Variants in RBFOX1 observed in about 807,000 individuals in gnomAD.
The protein encoded by RBFOX1 is RNA binding fox-1 homolog 1, also known as RNA binding protein fox-1 homolog 1.
RBFOX1 carries 8 observed loss-of-function variants against 57.7 expected under a neutral mutation model. The observed-to-expected ratio is 0.14, with a 90% CI of 0.08 to 0.25. RBFOX1 has a LOEUF of 0.25. Among genes scored for constraint, RBFOX1 ranks in the 10% least tolerant of loss-of-function variants. The pLI is 1.00. For synonymous variants in RBFOX1, 326 were observed against 222.4 expected (o/e 1.47, Z -4.15); for missense variants, 611 against 548.5 (o/e 1.11, Z -1.14).
At chr16:5,884,442 GCCC>G (rs2057844525) in intron 4 of RBFOX1, among the ~76,000 whole-genome samples, 1 of 146,380 alleles carries the variant, frequency 6.8e-6, no homozygotes, top group African/African-American at 2.5e-5. Flanking sequence ...CTGTTCCACC[GCCC>G]CGCCCCCCGC....
intron 3 of RBFOX1, among the ~76,000 whole-genome samples, chr16:6,736,094 A>G (rs1219808962): frequency 1.3e-5 from 2 of 151,518 alleles, no homozygotes; most frequent in African/African-American, 4.9e-5. Context: ...TGTTCAAATT[A>G]TTTTAGCCAT....
In RBFOX1 at chr16:6,192,671, T is replaced by A. The variant is rs530777444; in HGVS notation, c.-126-124324T>A. Among the ~76,000 whole-genome samples the A allele has an allele frequency of 4.6e-5, 7 of 152,330 alleles. No individual in the cohort carries two copies. The South Asian group carries it at 1.5e-3, about 32-fold the overall frequency. Reference sequence around the variant, plus strand: ...TGAGTCTACCATGTAACTCTCAATATGTGCTCTAGACGCTCTGTGTCTGTT... The same window carrying A: ...TGAGTCTACCATGTAACTCTCAATAAGTGCTCTAGACGCTCTGTGTCTGTT... On this transcript the variant is annotated intron_variant, in intron 1 of 15. Coordinates refer to ENST00000550418, the MANE Select transcript of RBFOX1 (RefSeq NM_018723.4).
intron 1 of RBFOX1, among the ~76,000 whole-genome samples, chr16:6,256,165 A>G (rs7188402): frequency 1.1e-4 from 1 of 9,484 alleles, no homozygotes; most frequent in Non-Finnish European, 2.7e-4. Context: ...ATATGTATAT[A>G]TATATGTATA....
intron 3 of RBFOX1, among the ~76,000 whole-genome samples, chr16:6,783,424 A>C (rs1209505053): frequency 7.4e-6 from 1 of 135,206 alleles, no homozygotes; most frequent in African/African-American, 2.7e-5. Context: ...TTTGCTTTGT[A>C]GTTACCATGA....
chr16:6,418,728 A>G lies in RBFOX1; in HGVS notation c.-64+101671A>G, dbSNP rs76054858. Among the ~76,000 whole-genome samples the G allele has an allele frequency of 0.016, 2,505 of 151,984 alleles. 167 individuals are homozygous for G. The East Asian group carries it at 0.22, about 14-fold the overall frequency. ...ATTTTTATAGAGATGGGATCACACTATATTGCCCAGGCTGGTCTTGAACTC... is the reference window on the plus strand; with the variant it reads ...ATTTTTATAGAGATGGGATCACACTGTATTGCCCAGGCTGGTCTTGAACTC... On this transcript the variant is annotated intron_variant, in intron 2 of 15. Transcript: ENST00000550418.
At chr16:6,812,543 T>G (rs1222199317) in intron 3 of RBFOX1, among the ~76,000 whole-genome samples, 2 of 151,936 alleles carry the variant, frequency 1.3e-5, no homozygotes, top group Admixed American at 6.6e-5. Flanking sequence ...CCAGCTAATT[T>G]TTTTTGTATT....
At chr16:6,761,699 G>T (rs545972979) in intron 3 of RBFOX1, among the ~76,000 whole-genome samples, 3 of 151,378 alleles carry the variant, frequency 2.0e-5, no homozygotes, top group Non-Finnish European at 2.9e-5. Context: ...TAGAGACGAG[G>T]TTTCACGAAC....
chr16:7,505,217 G>A (rs556560611), intron 4 of RBFOX1, among the ~76,000 whole-genome samples: 1 of 146,402 alleles, frequency 6.8e-6, no homozygotes, highest in South Asian at 2.1e-4. Context: ...CACTCTTTGA[G>A]ATGATTGAGG....
At chr16:5,664,459 A>G (rs939423486) in intron 3 of RBFOX1, among the ~76,000 whole-genome samples, 2 of 152,068 alleles carry the variant, frequency 1.3e-5, no homozygotes, top group Admixed American at 6.5e-5. Flanking sequence ...GAGGCAGACA[A>G]TCAATTGAAC....
Position 5,592,583 on chromosome 16 carries a change from AT to A in RBFOX1, c.259-6314del, listed in dbSNP as rs768107227. Among the ~76,000 whole-genome samples the A allele has an allele frequency of 4.8e-3, 729 of 152,140 alleles. 5 individuals are homozygous for A. The highest frequency in any genetic ancestry group is 0.01 in the Middle Eastern group (3 of 294). ...AGACTCCCACCACCATGCCTGGCTAATTTTTGTATTTTAGTAGAGATGGGGT... is the reference window on the plus strand; with the variant it reads ...AGACTCCCACCACCATGCCTGGCTAATTTTGTATTTTAGTAGAGATGGGGT... On this transcript the variant is annotated intron_variant, in intron 2 of 2. Coordinates refer to the RBFOX1 transcript ENST00000585867.
intron 3 of RBFOX1, among the ~76,000 whole-genome samples, chr16:5,819,149 G>A (rs193137374): frequency 2.0e-5 from 3 of 152,276 alleles, no homozygotes; most frequent in South Asian, 2.1e-4. Context: ...TATAGGTCAC[G>A]GTTCTGGAGG....
intron 4 of RBFOX1, among the ~76,000 whole-genome samples, chr16:7,220,780 C>T (rs958505188): frequency 2.6e-5 from 4 of 152,070 alleles, no homozygotes; most frequent in African/African-American, 4.8e-5. Context: ...CAGGGCTGGC[C>T]GTACAATCAG....
intron 4 of RBFOX1, among the ~76,000 whole-genome samples, chr16:7,289,370 G>A (rs2095714175): frequency 6.6e-6 from 1 of 151,788 alleles, no homozygotes; most frequent in Non-Finnish European, 1.5e-5. Flanking sequence ...ACAATCAACA[G>A]TAGCCAGATT....
intron 3 of RBFOX1, among the ~76,000 whole-genome samples, chr16:6,960,804 G>T (rs1188521294): frequency 6.6e-6 from 1 of 151,848 alleles, no homozygotes; most frequent in East Asian, 1.9e-4. Flanking sequence ...GATTGGCCCA[G>T]GGTTGGGTAC....
chr16:5,601,663 G>A (rs1390574324), downstream of RBFOX1: 1 of 152,218 alleles, frequency 6.6e-6, no homozygotes, highest in Non-Finnish European at 1.5e-5. Flanking sequence ...GTCACACTGA[G>A]TCTATGGAAA....
chr16:7,192,700 A>G (rs569556564), intron 4 of RBFOX1, among the ~76,000 whole-genome samples: 18 of 152,194 alleles, frequency 1.2e-4, no homozygotes, highest in Non-Finnish European at 2.5e-4. Context: ...ATGATTAAGT[A>G]TGATGTTAAA....
chr16:6,282,614 C>A (rs1173503152), intron 1 of RBFOX1, among the ~76,000 whole-genome samples: 1 of 152,066 alleles, frequency 6.6e-6, no homozygotes, highest in Non-Finnish European at 1.5e-5. Context: ...TCAATTCCCA[C>A]TTATGAGTGA....
chr16:6,809,489 A>G (rs1022021383), intron 3 of RBFOX1, among the ~76,000 whole-genome samples: 4 of 152,160 alleles, frequency 2.6e-5, no homozygotes, highest in African/African-American at 9.7e-5. Context: ...TTCCTCATCT[A>G]CATTGAAGAG....
chr16:7,396,577 C>A (rs565770430), intron 4 of RBFOX1, among the ~76,000 whole-genome samples: 1 of 152,126 alleles, frequency 6.6e-6, no homozygotes, highest in African/African-American at 2.4e-5. Context: ...CTGGACTTAA[C>A]GTTACTTTAA....
Sources: gnomAD v4.1 joint callset for allele counts (sites outside exome capture counted in the v4.1 genomes callset) on GRCh38, gnomAD v4.1.1 for gene constraint, MANE v1.5 for transcripts, NCBI Gene and HGNC (gene_info 2026-07-23, HGNC 2026-07-21) for gene names.